RSPH3: variants seen among roughly 807,000 people sequenced by gnomAD.
The protein encoded by RSPH3 is radial spoke head protein 3 homolog.
In RSPH3, 21 loss-of-function variants were observed where a neutral mutation model predicts 43.8. That is an observed-to-expected ratio of 0.48 (90% CI 0.34 to 0.69). The LOEUF is 0.69. Ranked by LOEUF, RSPH3 falls within the 30% of genes least tolerant of loss-of-function variation. The pLI, the probability that RSPH3 is intolerant of heterozygous loss-of-function variation, is 0.01. For missense variants in RSPH3, 487 were observed against 516.0 expected, an observed-to-expected ratio of 0.94 and a Z score of 0.54; for synonymous variants, 173 against 179.8, an observed-to-expected ratio of 0.96 and a Z score of 0.30.
In RSPH3 at chr6:158,995,332, C is replaced by T. The variant is rs1275422411; in HGVS notation, c.117-1406G>A. On this transcript the variant is annotated intron_variant, in intron 1 of 7. Coordinates refer to ENST00000367069, the MANE Select transcript of RSPH3 (RefSeq NM_031924.8). ...TTTCCTATTTCATTAAATGGTACTA[C>T]TAACTACATAGTTGGCTTAAAATAA... Among the ~76,000 whole-genome samples, 6 of 152,294 alleles carry T rather than the reference C, an allele frequency of 3.9e-5. No homozygotes were observed. The East Asian group carries it at 1.2e-3, about 29-fold the overall frequency.
At chr6:158,997,937 G>A (rs533630876) in intron 1 of RSPH3, among the ~76,000 whole-genome samples, 1 of 150,212 alleles carries the variant, frequency 6.7e-6, no homozygotes, top group South Asian at 2.1e-4. Context: ...AAGAGCGTTT[G>A]AAATAAGCAT....
At position 158,974,610 on chromosome 6, in the gene RSPH3, G is replaced by C. The variant is rs987652551; in HGVS notation, c.*2928C>G. 2.0e-5 allele frequency: 3 copies of C among 152,092 alleles called. No homozygotes were observed. The highest frequency in any genetic ancestry group is 4.8e-5 in the African/African-American group (2 of 41,412). The allele number at this position is 152,092 out of a possible 1,614,324, so 9.4% of individuals were successfully genotyped here. A position where few individuals can be genotyped will look rare whatever the true frequency, so the allele number is the denominator to read the frequency against. Reference sequence around the variant, plus strand: ...TGTTACCTCTAAGCTTTCTCACAGCGACAATGCCCTAACCTCTCAATTATT... The same window carrying C: ...TGTTACCTCTAAGCTTTCTCACAGCCACAATGCCCTAACCTCTCAATTATT... On this transcript the variant is annotated 3_prime_UTR_variant, in exon 8 of 8. Transcript: ENST00000367069.
Position 158,983,787 on chromosome 6 carries a change from C to A in RSPH3, c.367G>T (p.Ala123Ser), listed in dbSNP as rs773453906. 6.2e-7 allele frequency: 1 copy of A among 1,603,054 alleles called. No individual in the cohort carries two copies. The highest frequency in any genetic ancestry group is 8.5e-7 in the Non-Finnish European group (1 of 1,170,060). Residue 123 changes from alanine to serine, a missense_variant, in exon 4 of 8, where the codon GCT becomes TCT. Coordinates refer to ENST00000367069, the MANE Select transcript of RSPH3 (RefSeq NM_031924.8). Reference sequence around the variant, plus strand: ...ATATCAACTTCTATTATGCGATCAGCAATTTCTTCAAGGTATAATTCTAAG... The same window carrying A: ...ATATCAACTTCTATTATGCGATCAGAAATTTCTTCAAGGTATAATTCTAAG... ...VQTELYLEEI[A>S]DRIIEVDMEC...
intron 3 of RSPH3, among the ~76,000 whole-genome samples, chr6:158,984,141 A>G (rs1778134078): frequency 6.6e-6 from 1 of 152,018 alleles, no homozygotes; most frequent in Non-Finnish European, 1.5e-5. Flanking sequence ...CTCAAAGAAA[A>G]AAAAATTCTG....
intron 6 of RSPH3, among the ~76,000 whole-genome samples, chr6:158,980,065 T>A (rs1450421279): frequency 6.6e-6 from 1 of 152,244 alleles, no homozygotes; most frequent in African/African-American, 2.4e-5. Flanking sequence ...AAAAAGTTAA[T>A]AACAACTACT....
In RSPH3 at chr6:158,980,771, A is replaced by C; in HGVS notation, c.859+3T>G. 6.2e-7 allele frequency: 1 copy of C among 1,610,896 alleles called. No homozygotes were observed. Among genetic ancestry groups the C allele is most frequent in the Non-Finnish European group, 8.5e-7 (1 of 1,177,318 alleles). On this transcript the variant is annotated splice_donor_region_variant and intron_variant, in intron 6 of 7. Transcript: ENST00000367069. ...AATTAATCTAACAAAAATATCTACA[A>C]ACCTCTTTCAATGGGATCATAAAAG... is the stretch of plus-strand genomic sequence containing the variant.
In RSPH3 at chr6:158,993,576, C is replaced by T. The variant is rs79073226; in HGVS notation, c.204+263G>A. ...TATCACTGTCACCATCCTCTATCTC[C>T]GGAACTCTTTTCACCTTGCAAAACT... On this transcript the variant is annotated intron_variant, in intron 2 of 7. Coordinates refer to ENST00000367069, the MANE Select transcript of RSPH3 (RefSeq NM_031924.8). 0.11 allele frequency among the ~76,000 whole-genome samples: 16,929 copies of T among 151,856 alleles called. 2,281 individuals are homozygous for T. Among genetic ancestry groups the T allele is most frequent in the African/African-American group, 0.33 (13,631 of 41,304 alleles).
At chr6:158,965,947 T>C in the RSPH3 span, among the ~76,000 whole-genome samples, 1 of 152,188 alleles carries the variant, frequency 6.6e-6, no homozygotes, top group Admixed American at 6.5e-5. Context: ...TTTTGTTGAC[T>C]GTTTTTAATA....
chr6:158,987,166 T>G (rs1778259636), intron 2 of RSPH3, among the ~76,000 whole-genome samples: 1 of 152,222 alleles, frequency 6.6e-6, no homozygotes, highest in Non-Finnish European at 1.5e-5. Flanking sequence ...TGGTGTTGGG[T>G]GCATGGATAT....
chr6:158,969,862 G>GT (rs1490355445), downstream of RSPH3, among the ~76,000 whole-genome samples: 9 of 152,250 alleles, frequency 5.9e-5, no homozygotes, highest in East Asian at 1.3e-3. Flanking sequence ...CTTAAAAAAT[G>GT]TTTTTTCTCT....
rs1777870850 is a variant in RSPH3 at position 158,977,164 on chromosome 6, G to A, written c.*374C>T. On this transcript the variant is annotated 3_prime_UTR_variant, in exon 8 of 8. Transcript: ENST00000367069. ...AATAGTTTTCCTATAGAGAAGAAAA[G>A]CTATATGGCTGACAGCACTGATATT... 2 of 177,428 alleles carry A rather than the reference G, an allele frequency of 1.1e-5. No homozygotes were observed. The highest frequency in any genetic ancestry group is 2.4e-5 in the African/African-American group (1 of 42,008). 11.0% of individuals were successfully genotyped at this position (177,428 alleles called of 1,614,324 possible).
At chr6:158,988,772 C>T (rs187203908) in intron 2 of RSPH3, among the ~76,000 whole-genome samples, 1 of 152,270 alleles carries the variant, frequency 6.6e-6, no homozygotes, top group Non-Finnish European at 1.5e-5. Context: ...TTACATTTCT[C>T]TAACAAATTT....
rs1777877943 is a variant in RSPH3, at chr6:158,977,383, A to C, written c.*155T>G. 4 of 616,518 alleles carry C rather than the reference A, an allele frequency of 6.5e-6. No homozygotes were observed. The South Asian group carries it at 1.0e-4, about 16-fold the overall frequency. 38.2% of individuals were successfully genotyped at this position (616,518 alleles called of 1,614,324 possible). A position where few individuals can be genotyped will look rare whatever the true frequency, so the allele number is the denominator to read the frequency against. On this transcript the variant is annotated 3_prime_UTR_variant, in exon 8 of 8. Coordinates refer to ENST00000367069, the MANE Select transcript of RSPH3 (RefSeq NM_031924.8). ...TCAATTTAAGTTTCATTCTCAAATTAATTTTATCACATTTGATTGGCCCAG... is the reference window on the plus strand; with the variant it reads ...TCAATTTAAGTTTCATTCTCAAATTCATTTTATCACATTTGATTGGCCCAG...
chr6:158,975,421 T>G lies in RSPH3; in HGVS notation c.*2117A>C, dbSNP rs1419451062. 6.6e-6 allele frequency: 1 copy of G among 152,194 alleles called. No homozygotes were observed. The highest frequency in any genetic ancestry group is 1.5e-5 in the Non-Finnish European group (1 of 68,028). 9.4% of individuals were successfully genotyped at this position (152,194 alleles called of 1,614,324 possible). ...AGTTATTAGAAGAAAGTATACCAGA[T>G]TAGAAGTAAGGAGATTTGGATTCCA... On this transcript the variant is annotated 3_prime_UTR_variant, in exon 8 of 8. Coordinates refer to ENST00000367069, the MANE Select transcript of RSPH3 (RefSeq NM_031924.8).
downstream of RSPH3, among the ~76,000 whole-genome samples, chr6:158,970,257 C>G (rs6932461): frequency 0.036 from 5,534 of 152,272 alleles, 318 homozygotes; most frequent in African/African-American, 0.13. Flanking sequence ...TGTGTGGCCA[C>G]TGAAGTCTCT....
intron 2 of RSPH3, among the ~76,000 whole-genome samples, chr6:158,988,925 T>C (rs1383992385): frequency 6.6e-6 from 1 of 152,176 alleles, no homozygotes; most frequent in African/African-American, 2.4e-5. Context: ...AAGTAGGTCA[T>C]GGTTCTCTGT....
Position 158,999,948 on chromosome 6 carries a change from G to A in RSPH3, c.-398C>T, listed in dbSNP as rs772669258. The A allele has an allele frequency of 3.7e-6, 6 of 1,606,820 alleles. No individual in the cohort carries two copies. The Admixed American group carries it at 6.7e-5, about 18-fold the overall frequency. Reference sequence around the variant, plus strand: ...GCGCTTTGCGAGGTTCCTGGCTAGGGAGGCGGCCTTGGCTGGCTTGACCGT... The same window carrying A: ...GCGCTTTGCGAGGTTCCTGGCTAGGAAGGCGGCCTTGGCTGGCTTGACCGT... On this transcript the variant is annotated 5_prime_UTR_variant, in exon 1 of 8. Transcript: ENST00000367069.
At chr6:158,967,896 CT>C (rs1402129444), downstream of RSPH3, among the ~76,000 whole-genome samples, 1 of 152,106 alleles carries the variant, frequency 6.6e-6, no homozygotes, top group African/African-American at 2.4e-5. Context: ...TACCCCAGCT[CT>C]TTTTTGGTTA....
chr6:158,993,304 G>A (rs748214572), intron 2 of RSPH3, among the ~76,000 whole-genome samples: 12 of 152,070 alleles, frequency 7.9e-5, no homozygotes, highest in Non-Finnish European at 1.8e-4. Flanking sequence ...TTTTAGTAGA[G>A]ACGGGGTTTC....
Sources: gnomAD v4.1 joint callset for allele counts (sites outside exome capture counted in the v4.1 genomes callset) on GRCh38, gnomAD v4.1.1 for gene constraint, MANE v1.5 for transcripts, NCBI Gene and HGNC (gene_info 2026-07-23, HGNC 2026-07-21) for gene names.